CPA6: variants seen among roughly 807,000 people sequenced by gnomAD.
CPA6 encodes the protein carboxypeptidase A6, also known as carboxypeptidase B.
Under a neutral mutation model 63.3 loss-of-function variants are expected in CPA6, and 58 were observed. The ratio of observed to expected loss-of-function variants is 0.92; its 90% CI spans 0.74 to 1.14. CPA6 has a LOEUF of 1.14. Among genes scored for constraint, CPA6 ranks in the 50% most tolerant of loss-of-function variants. The probability of loss-of-function intolerance (pLI) is 0.00; values close to 1 mark genes in which losing one functional copy is unlikely to be tolerated. For synonymous variants in CPA6, 185 were observed against 179.0 expected, an observed-to-expected ratio of 1.03 and a Z score of -0.27; for missense variants, 565 against 526.6, an observed-to-expected ratio of 1.07 and a Z score of -0.71.
chr8:67,504,563 G>A (rs1332428092), intron 6 of CPA6, among the ~76,000 whole-genome samples: 1 of 152,150 alleles, frequency 6.6e-6, no homozygotes, highest in Non-Finnish European at 1.5e-5. Flanking sequence ...ATGTGGCAAG[G>A]AGTTGATATC....
intron 1 of CPA6, among the ~76,000 whole-genome samples, chr8:67,698,054 C>T (rs1816943812): frequency 6.6e-6 from 1 of 152,130 alleles, no homozygotes; most frequent in African/African-American, 2.4e-5. Flanking sequence ...GTAGCTGTCA[C>T]TCAATGCGAA....
intron 8 of CPA6, among the ~76,000 whole-genome samples, chr8:67,451,576 C>T (rs561258558): frequency 1.3e-5 from 2 of 152,174 alleles, no homozygotes; most frequent in Admixed American, 6.5e-5. Flanking sequence ...GTGCTTGAAT[C>T]ATCCTGAAAC....
intron 2 of CPA6, among the ~76,000 whole-genome samples, chr8:67,550,298 G>A (rs1053052708): frequency 2.0e-5 from 3 of 152,100 alleles, no homozygotes; most frequent in Non-Finnish European, 4.4e-5. Flanking sequence ...ATGTGGTTTG[G>A]TTTTCTGTTC....
intron 2 of CPA6, among the ~76,000 whole-genome samples, chr8:67,586,617 A>G (rs773235653): frequency 1.3e-5 from 2 of 152,158 alleles, no homozygotes; most frequent in Non-Finnish European, 2.9e-5. Context: ...AGGATATAGA[A>G]TATAATTCGT....
chr8:67,484,877 T>A, intron 6 of CPA6, 88 bp from the exon 7 acceptor site: 1 of 656,174 alleles, frequency 1.5e-6, no homozygotes, highest in Non-Finnish European at 2.7e-6. Flanking sequence ...CCATGAGAAC[T>A]ACCAAATACG....
intron 8 of CPA6, among the ~76,000 whole-genome samples, chr8:67,479,225 CAT>C (rs1811306348): frequency 6.6e-6 from 1 of 152,156 alleles, no homozygotes; most frequent in African/African-American, 2.4e-5. Context: ...TAATTTAACT[CAT>C]ATTGCAGGTA....
Position 67,743,420 on chromosome 8 carries a change from C to T in CPA6, c.116+2594G>A, listed in dbSNP as rs143304675. Among the ~76,000 whole-genome samples, 65 of 152,174 alleles carry T rather than the reference C, an allele frequency of 4.3e-4. 1 individual carries two copies. The South Asian group carries it at 6.0e-3, about 14-fold the overall frequency. ...ACAGGCATGCAATGTAAAATAAGCA[C>T]ATCGTAGAGAATGGGGTATCTATCC... is the stretch of plus-strand genomic sequence containing the variant. On this transcript the variant is annotated intron_variant, in intron 1 of 10. Coordinates refer to ENST00000297770, the MANE Select transcript of CPA6 (RefSeq NM_020361.5).
intron 2 of CPA6, among the ~76,000 whole-genome samples, chr8:67,561,026 C>T (rs1384906177): frequency 1.3e-5 from 2 of 152,088 alleles, no homozygotes; most frequent in African/African-American, 4.8e-5. Flanking sequence ...ACAAAGACAA[C>T]AAAATCTCCT....
rs1385789500 is a variant in CPA6, at chr8:67,506,775, GGTTTAACTT to G, written c.636+3_636+11del. ...TAGCTGAAATGGACATTGTGTAAAG[GGTTTAACTT>G]ACTTCTTTTACAAACCACTGACAAA... is the stretch of plus-strand genomic sequence containing the variant. On this transcript the variant is annotated splice_donor_5th_base_variant and intron_variant, in intron 6 of 10. Coordinates refer to ENST00000297770, the MANE Select transcript of CPA6 (RefSeq NM_020361.5). 6.4e-7 allele frequency: 1 copy of G among 1,552,368 alleles called. No homozygotes were observed. The highest frequency in any genetic ancestry group is 1.1e-5 in the South Asian group (1 of 89,836).
At chr8:67,724,473 C>T (rs1318668278) in intron 1 of CPA6, among the ~76,000 whole-genome samples, 2 of 152,188 alleles carry the variant, frequency 1.3e-5, no homozygotes, top group African/African-American at 2.4e-5. Flanking sequence ...ACAAAAAGCC[C>T]CACTGAGCAC....
At chr8:67,513,961 G>GA (rs893263196) in intron 3 of CPA6, among the ~76,000 whole-genome samples, 4 of 150,178 alleles carry the variant, frequency 2.7e-5, no homozygotes, top group African/African-American at 1.0e-4. Flanking sequence ...TCAAAACATA[G>GA]AAAATTTTTT....
At chr8:67,734,461 TA>T (rs1817776408) in intron 1 of CPA6, among the ~76,000 whole-genome samples, 1 of 49,456 alleles carries the variant, frequency 2.0e-5, no homozygotes. Context: ...AGATGTAAGA[TA>T]TTACATTAAG....
At chr8:67,601,947 A>G (rs1395040483) in intron 2 of CPA6, among the ~76,000 whole-genome samples, 1 of 152,236 alleles carries the variant, frequency 6.6e-6, no homozygotes, top group African/African-American at 2.4e-5. Flanking sequence ...TTATAACAGC[A>G]TAAGATTTGA....
chr8:67,512,819 A>G lies in CPA6; in HGVS notation c.318-1164T>C, dbSNP rs1812069692. ...TATAATGGCATCTTTAAATAATTTC[A>G]AGGCTGAAAGTTATTTAAAGCCTTT... On this transcript the variant is annotated intron_variant, in intron 3 of 10. Coordinates refer to ENST00000297770, the MANE Select transcript of CPA6 (RefSeq NM_020361.5). 3.3e-5 allele frequency among the ~76,000 whole-genome samples: 5 copies of G among 152,362 alleles called. 1 individual carries two copies. In the South Asian group the frequency reaches 1.0e-3, roughly 32 times the overall value.
Position 67,430,171 on chromosome 8 carries a change from G to GTA in CPA6, c.1042-2042_1042-2041dup, listed in dbSNP as rs1186366549. On this transcript the variant is annotated intron_variant, in intron 9 of 10. Transcript: ENST00000297770. Reference sequence around the variant, plus strand: ...TGTGTGTGTGTGTGTGTGTGTGTGTGTATATATTTTGTTTTTTTTTTTTTT... The same window carrying GTA: ...TGTGTGTGTGTGTGTGTGTGTGTGTGTATATATATTTTGTTTTTTTTTTTTTT... Among the ~76,000 whole-genome samples the GTA allele has an allele frequency of 1.5e-3, 159 of 104,774 alleles. 1 individual carries two copies. Among genetic ancestry groups the GTA allele is most frequent in the African/African-American group, 3.9e-3 (96 of 24,880 alleles). The allele number at this position is 104,774 out of a possible 152,430, so 68.7% of individuals were successfully genotyped here. A position where few individuals can be genotyped will look rare whatever the true frequency, so the allele number is the denominator to read the frequency against.
chr8:67,693,000 G>C (rs1007783010), intron 1 of CPA6, among the ~76,000 whole-genome samples: 1 of 152,170 alleles, frequency 6.6e-6, no homozygotes, highest in African/African-American at 2.4e-5. Context: ...AGAGAAACCT[G>C]AACAAAAATT....
intron 1 of CPA6, among the ~76,000 whole-genome samples, chr8:67,673,175 T>C (rs1056332929): frequency 5.9e-5 from 9 of 152,024 alleles, no homozygotes; most frequent in African/African-American, 2.2e-4. Context: ...TTGGATCTTG[T>C]TTTTCTTACA....
chr8:67,468,928 T>C (rs992276588), intron 8 of CPA6, among the ~76,000 whole-genome samples: 2 of 152,176 alleles, frequency 1.3e-5, no homozygotes, highest in Non-Finnish European at 2.9e-5. Context: ...CTGTGTCCCT[T>C]ACCTAGAATG....
intron 1 of CPA6, among the ~76,000 whole-genome samples, chr8:67,701,717 A>C (rs1245630505): frequency 6.6e-6 from 1 of 152,264 alleles, no homozygotes; most frequent in Non-Finnish European, 1.5e-5. Context: ...TGCACAGACC[A>C]AAACTGCAAC....
Sources: gnomAD v4.1 joint callset for allele counts (sites outside exome capture counted in the v4.1 genomes callset) on GRCh38, gnomAD v4.1.1 for gene constraint, MANE v1.5 for transcripts, NCBI Gene and HGNC (gene_info 2026-07-23, HGNC 2026-07-21) for gene names.